Variants in COPS4 observed in about 807,000 individuals in gnomAD.
COPS4 encodes COP9 signalosome complex subunit 4.
Under a neutral mutation model 55.1 loss-of-function variants are expected in COPS4, and 8 were observed. That is an observed-to-expected ratio of 0.15 (90% CI 0.09 to 0.26). COPS4 has a LOEUF of 0.26. COPS4 is among the 10% of genes least tolerant of loss of function. COPS4 has a pLI of 1.00. For synonymous variants in COPS4, 185 were observed against 165.7 expected (o/e 1.12, Z -0.90); for missense variants, 248 against 484.0 (o/e 0.51, Z 4.58).
At chr4:83,039,346 G>C (rs1437403055) in intron 1 of COPS4, among the ~76,000 whole-genome samples, 1 of 152,172 alleles carries the variant, frequency 6.6e-6, no homozygotes, top group Non-Finnish European at 1.5e-5. Context: ...GGTTCCAAAA[G>C]ACAAACACAT....
chr4:83,073,275 T>A, intron 9 of COPS4: 1 of 700,118 alleles, frequency 1.4e-6, no homozygotes, highest in Non-Finnish European at 2.6e-6. Context: ...ATAAATGGAA[T>A]CATACAATAT....
chr4:83,053,699 G>A (rs1199759026), intron 4 of COPS4, among the ~76,000 whole-genome samples: 4 of 151,870 alleles, frequency 2.6e-5, no homozygotes. Context: ...AAATTAGCCG[G>A]TGTGGTCTCA....
At position 83,036,258 on chromosome 4, in the gene COPS4, A is replaced by AC. The variant is rs33940074; in HGVS notation, c.74+971dup. Reference sequence around the variant, plus strand: ...AGACCAGCCTGGGCAACATAGTGAGACCCCCCCCCCCGCCGCCACCCGTCT... The same window carrying AC: ...AGACCAGCCTGGGCAACATAGTGAGACCCCCCCCCCCCGCCGCCACCCGTCT... On this transcript the variant is annotated intron_variant, in intron 1 of 9. Coordinates refer to ENST00000264389, the MANE Select transcript of COPS4 (RefSeq NM_016129.3). Among the ~76,000 whole-genome samples, 639 of 146,298 alleles carry AC rather than the reference A, an allele frequency of 4.4e-3. 3 individuals are homozygous for AC. The highest frequency in any genetic ancestry group is 0.014 in the Middle Eastern group (4 of 286).
intron 9 of COPS4, among the ~76,000 whole-genome samples, chr4:83,071,347 C>T (rs541576065): frequency 6.6e-6 from 1 of 152,234 alleles, no homozygotes; most frequent in African/African-American, 2.4e-5. Context: ...ATTAATGTTG[C>T]TTGTCTATTT....
At chr4:83,040,696 CT>C (rs1462886790) in intron 1 of COPS4, among the ~76,000 whole-genome samples, 1 of 151,048 alleles carries the variant, frequency 6.6e-6, no homozygotes, top group East Asian at 1.9e-4. Context: ...CTCATTTTAC[CT>C]TTCTTGTTAG....
chr4:83,075,329 A>G lies in COPS4; in HGVS notation c.1120A>G (p.Ile374Val). ...AGCCCTGCCAACGTGGGATAAGCAGATCCAATCACTTTGTTTCCAAGTGAA... is the reference window on the plus strand; with the variant it reads ...AGCCCTGCCAACGTGGGATAAGCAGGTCCAATCACTTTGTTTCCAAGTGAA... ...REALPTWDKQ[I>V]QSLCFQVNNL... The change falls in exon 10 of 10, where the codon ATC becomes GTC. Residue 374 changes from isoleucine to valine, a missense_variant. By Grantham distance (29) the Ile-to-Val change is conservative. Coordinates refer to ENST00000264389, the MANE Select transcript of COPS4 (RefSeq NM_016129.3). The G allele has an allele frequency of 1.2e-6, 2 of 1,614,060 alleles. No homozygotes were observed. The highest frequency in any genetic ancestry group is 1.7e-6 in the Non-Finnish European group (2 of 1,180,006).
At chr4:83,059,861 T>C (rs896078757) in intron 6 of COPS4, among the ~76,000 whole-genome samples, 6 of 151,532 alleles carry the variant, frequency 4.0e-5, no homozygotes, top group African/African-American at 9.7e-5. Flanking sequence ...CCACCACACC[T>C]GGCTAATTTT....
intron 1 of COPS4, among the ~76,000 whole-genome samples, chr4:83,037,258 C>A (rs918179740): frequency 3.9e-5 from 6 of 152,150 alleles, no homozygotes; most frequent in African/African-American, 1.4e-4. Flanking sequence ...GGAAGTCTCA[C>A]GTCAGTTCTC....
intron 3 of COPS4, 60 bp downstream of exon 3, chr4:83,049,377 G>GAT (rs1437601113): frequency 7.1e-7 from 1 of 1,405,850 alleles, no homozygotes; most frequent in Non-Finnish European, 9.7e-7. Context: ...TTGAGAATCT[G>GAT]ATATTAGTAA....
At chr4:83,067,104 G>T (rs527337809) in intron 8 of COPS4, among the ~76,000 whole-genome samples, 1 of 151,564 alleles carries the variant, frequency 6.6e-6, no homozygotes, top group South Asian at 2.1e-4. Flanking sequence ...GTCTTGTTCT[G>T]TCACCCAGGC....
intron 9 of COPS4, chr4:83,073,344 G>T (rs1351097990): frequency 3.1e-6 from 2 of 655,708 alleles, no homozygotes; most frequent in Non-Finnish European, 5.6e-6. Flanking sequence ...GTTCATCCAT[G>T]TCATGGCAGG....
At chr4:83,058,278 C>T (rs1262527148) in intron 6 of COPS4, among the ~76,000 whole-genome samples, 3 of 152,174 alleles carry the variant, frequency 2.0e-5, no homozygotes, top group Non-Finnish European at 4.4e-5. Context: ...AGTGCAGTGG[C>T]GCAGTCACTG....
chr4:83,059,799 C>A (rs1442097130), intron 6 of COPS4, among the ~76,000 whole-genome samples: 1 of 100,614 alleles, frequency 9.9e-6, no homozygotes, highest in Non-Finnish European at 2.0e-5. Context: ...CAGGTTCATG[C>A]CATTCTCCCG....
intron 4 of COPS4, among the ~76,000 whole-genome samples, chr4:83,055,732 C>T (rs540206639): frequency 5.3e-5 from 8 of 152,172 alleles, no homozygotes; most frequent in Middle Eastern, 3.4e-3. Context: ...TGAGCCACCG[C>T]GCCCAGTCTT....
At chr4:83,071,665 T>C (rs1731434555) in intron 9 of COPS4, among the ~76,000 whole-genome samples, 1 of 152,096 alleles carries the variant, frequency 6.6e-6, no homozygotes, top group South Asian at 2.1e-4. Context: ...GTGATCCTCC[T>C]GCCTCAGCCT....
At chr4:83,037,820 A>G (rs539305361) in intron 1 of COPS4, among the ~76,000 whole-genome samples, 13 of 152,322 alleles carry the variant, frequency 8.5e-5, no homozygotes, top group African/African-American at 2.9e-4. Context: ...TAGTTGTTCA[A>G]TAAACGTGGT....
chr4:83,065,510 TC>T (rs1311920526), intron 7 of COPS4, among the ~76,000 whole-genome samples: 1 of 152,194 alleles, frequency 6.6e-6, no homozygotes, highest in Non-Finnish European at 1.5e-5. Flanking sequence ...TCAGAATACT[TC>T]CCTTGAAGTC....
At chr4:83,058,799 A>G (rs1231978743) in intron 6 of COPS4, among the ~76,000 whole-genome samples, 4 of 152,194 alleles carry the variant, frequency 2.6e-5, no homozygotes, top group African/African-American at 9.7e-5. Context: ...ACAACACTAT[A>G]GTGATTATGC....
At chr4:83,073,473 T>G in intron 9 of COPS4, 1 of 402,814 alleles carries the variant, frequency 2.5e-6, no homozygotes, top group Non-Finnish European at 4.4e-6. Context: ...CACCAATTTT[T>G]TTATGTTAAC....
Sources: gnomAD v4.1 joint callset for allele counts (sites outside exome capture counted in the v4.1 genomes callset) on GRCh38, gnomAD v4.1.1 for gene constraint, MANE v1.5 for transcripts, NCBI Gene and HGNC (gene_info 2026-07-23, HGNC 2026-07-21) for gene names.